TMEM232: variants seen among roughly 807,000 people sequenced by gnomAD.
TMEM232 encodes transmembrane protein 232.
Under a neutral mutation model 78.8 loss-of-function variants are expected in TMEM232, and 80 were observed. The ratio of observed to expected loss-of-function variants is 1.01; its 90% CI spans 0.85 to 1.22. The LOEUF is 1.22. Among genes scored for constraint, TMEM232 ranks in the 50% most tolerant of loss-of-function variants. The probability of loss-of-function intolerance (pLI) is 0.00; values close to 1 mark genes in which losing one functional copy is unlikely to be tolerated. For missense variants in TMEM232, 881 were observed against 742.2 expected, an observed-to-expected ratio of 1.19 and a Z score of -2.17; for synonymous variants, 297 against 254.3, an observed-to-expected ratio of 1.17 and a Z score of -1.60.
intron 10 of TMEM232, among the ~76,000 whole-genome samples, chr5:110,604,033 T>C (rs1245245202): frequency 6.6e-6 from 1 of 152,176 alleles, no homozygotes; most frequent in Non-Finnish European, 1.5e-5. Context: ...AATGATTTAT[T>C]TAATTACATT....
chr5:110,596,373 T>C (rs1780169856), intron 10 of TMEM232, among the ~76,000 whole-genome samples: 2 of 152,132 alleles, frequency 1.3e-5, no homozygotes, highest in Admixed American at 6.5e-5. Flanking sequence ...CAATAATCAA[T>C]AGCTTACCAA....
intron 11 of TMEM232, among the ~76,000 whole-genome samples, chr5:110,534,028 G>A (rs552766602): frequency 5.9e-5 from 9 of 152,230 alleles, no homozygotes; most frequent in Admixed American, 5.2e-4. Flanking sequence ...TCAAGCTCCA[G>A]GATTTGCCCC....
At chr5:110,539,014 G>A (rs934266619) in intron 11 of TMEM232, among the ~76,000 whole-genome samples, 2 of 152,146 alleles carry the variant, frequency 1.3e-5, no homozygotes, top group African/African-American at 4.8e-5. Flanking sequence ...TCCCCCTGTT[G>A]GGAAGAGATA....
intron 12 of TMEM232, among the ~76,000 whole-genome samples, chr5:110,495,429 T>C (rs1254832671): frequency 6.6e-6 from 1 of 151,944 alleles, no homozygotes. Flanking sequence ...TAAAGTATAA[T>C]AACAGTTGAT....
intron 12 of TMEM232, among the ~76,000 whole-genome samples, chr5:110,508,153 A>T (rs941025934): frequency 6.6e-6 from 1 of 152,150 alleles, no homozygotes; most frequent in African/African-American, 2.4e-5. Context: ...GTTCTGGCTC[A>T]ACAAGACTCA....
intron 12 of TMEM232, among the ~76,000 whole-genome samples, chr5:110,500,031 C>A (rs1766075026): frequency 6.6e-6 from 1 of 152,018 alleles, no homozygotes; most frequent in Admixed American, 6.6e-5. Flanking sequence ...GTGGCTCACG[C>A]CTGTAATCCC....
chr5:110,477,055 T>G (rs1362398683), intron 12 of TMEM232, among the ~76,000 whole-genome samples: 1 of 151,962 alleles, frequency 6.6e-6, no homozygotes, highest in Non-Finnish European at 1.5e-5. Context: ...TATTTTAATA[T>G]TTAGACAAGG....
chr5:110,461,955 G>A lies in TMEM232; in HGVS notation c.1704-37039C>T, dbSNP rs983355560. 3.3e-5 allele frequency among the ~76,000 whole-genome samples: 5 copies of A among 152,308 alleles called. 1 individual carries two copies. In the East Asian group the frequency reaches 9.6e-4, roughly 29 times the overall value. On this transcript the variant is annotated intron_variant, in intron 12 of 13. Transcript: ENST00000455884. ...CACCTAGTTATCCAAAAGCTCTGGT[G>A]GAGATGTACAAGGAGATTAATGTTG...
intron 2 of TMEM232, among the ~76,000 whole-genome samples, chr5:110,400,468 A>G (rs1580555677): frequency 6.6e-6 from 1 of 152,088 alleles, no homozygotes; most frequent in African/African-American, 2.4e-5. Context: ...TAGAGATGTC[A>G]TATTTCACCC....
intron 12 of TMEM232, among the ~76,000 whole-genome samples, chr5:110,524,323 G>A (rs1426996419): frequency 5.3e-5 from 6 of 112,598 alleles, no homozygotes; most frequent in African/African-American, 1.4e-4. Flanking sequence ...AAGGAAGGAA[G>A]GAAGGGAGAG....
intron 1 of TMEM232, among the ~76,000 whole-genome samples, chr5:110,682,591 C>T (rs1440545202): frequency 6.6e-6 from 1 of 151,534 alleles, no homozygotes; most frequent in Non-Finnish European, 1.5e-5. Context: ...CTGAAATGGC[C>T]AAAAAAATGG....
intron 3 of TMEM232, among the ~76,000 whole-genome samples, chr5:110,391,101 A>T (rs2112555590): frequency 6.6e-6 from 1 of 152,222 alleles, no homozygotes; most frequent in Non-Finnish European, 1.5e-5. Context: ...TGCTTGCTTT[A>T]TTTTATTCCC....
At chr5:110,446,582 C>G (rs185436174) in intron 12 of TMEM232, among the ~76,000 whole-genome samples, 185 of 152,010 alleles carry the variant, frequency 1.2e-3, no homozygotes, top group Non-Finnish European at 2.3e-3. Flanking sequence ...AGTGACTCCA[C>G]TGTTGCTAGT....
At chr5:110,587,663 GTATATATATA>G (rs377139293) in intron 10 of TMEM232, among the ~76,000 whole-genome samples, 18 of 96,278 alleles carry the variant, frequency 1.9e-4, no homozygotes, top group South Asian at 1.2e-3. Flanking sequence ...GTACATGTAT[GTATATATATA>G]TATATATATA....
chr5:110,471,431 CAA>C (rs1047424248), intron 12 of TMEM232, among the ~76,000 whole-genome samples: 3 of 151,858 alleles, frequency 2.0e-5, no homozygotes, highest in African/African-American at 7.3e-5. Flanking sequence ...AGATTAAAAC[CAA>C]AGAGGACTTC....
intron 2 of TMEM232, among the ~76,000 whole-genome samples, chr5:110,400,366 CATA>C (rs1755545147): frequency 6.6e-6 from 1 of 151,978 alleles, no homozygotes; most frequent in Admixed American, 6.6e-5. Context: ...ATTTAAATAA[CATA>C]ATGAAGAAAA....
chr5:110,660,809 C>T (rs1789678502), intron 2 of TMEM232, among the ~76,000 whole-genome samples: 1 of 152,028 alleles, frequency 6.6e-6, no homozygotes, highest in Non-Finnish European at 1.5e-5. Flanking sequence ...CATCAATCAC[C>T]TCAAGCATTT....
At chr5:110,657,019 T>C (rs951177996) in intron 2 of TMEM232, among the ~76,000 whole-genome samples, 6 of 152,142 alleles carry the variant, frequency 3.9e-5, no homozygotes, top group African/African-American at 1.4e-4. Flanking sequence ...TTGGGGTAAG[T>C]GCCATATCCA....
chr5:110,436,448 T>G (rs1409843590), intron 12 of TMEM232, among the ~76,000 whole-genome samples: 1 of 151,976 alleles, frequency 6.6e-6, no homozygotes, highest in Non-Finnish European at 1.5e-5. Context: ...TGTGCAGAAG[T>G]TTTTAAACTT....
Sources: allele counts gnomAD v4.1 joint callset (sites outside exome capture counted in the v4.1 genomes callset), GRCh38; gene constraint gnomAD v4.1.1; transcripts MANE v1.5; gene names NCBI Gene and HGNC (gene_info 2026-07-23, HGNC 2026-07-21).